Variants in MALRD1 observed in about 807,000 individuals in gnomAD.
MALRD1 encodes the protein MAM and LDL receptor class A domain containing 1, also known as MAM and LDL-receptor class A domain-containing protein 1.
Under a neutral mutation model 242.1 loss-of-function variants are expected in MALRD1, and 247 were observed. That is an observed-to-expected ratio of 1.02 (90% CI 0.92 to 1.13). The LOEUF (loss-of-function observed/expected upper bound fraction) is 1.13, where lower values mean the gene tolerates loss of function less well. Ranked by LOEUF, MALRD1 falls within the 50% of genes most tolerant of loss-of-function variation. MALRD1 has a pLI of 0.00. For missense variants in MALRD1, 2,989 were observed against 2,533.1 expected, an observed-to-expected ratio of 1.18 and a Z score of -3.86; for synonymous variants, 995 against 866.6, an observed-to-expected ratio of 1.15 and a Z score of -2.60.
intron 38 of MALRD1, among the ~76,000 whole-genome samples, chr10:19,726,934 G>T (rs1835052339): frequency 6.6e-6 from 1 of 152,298 alleles, no homozygotes; most frequent in East Asian, 1.9e-4. Flanking sequence ...ACCTGGGATT[G>T]GTTGGAGGGG....
intron 14 of MALRD1, among the ~76,000 whole-genome samples, chr10:19,196,162 A>C (rs1344519927): frequency 2.0e-5 from 3 of 152,114 alleles, no homozygotes; most frequent in African/African-American, 7.2e-5. Context: ...TCTGTCTACC[A>C]GTCTTTTCTA....
At chr10:19,150,700 A>G (rs1833918026) in intron 11 of MALRD1, among the ~76,000 whole-genome samples, 1 of 152,206 alleles carries the variant, frequency 6.6e-6, no homozygotes, top group Non-Finnish European at 1.5e-5. Flanking sequence ...TATATTTGAC[A>G]GTCCATGCTA....
intron 38 of MALRD1, among the ~76,000 whole-genome samples, chr10:19,708,340 C>CTTTTTTTTTTTTTTTTTT (rs545136011): frequency 1.3e-5 from 1 of 76,090 alleles, no homozygotes; most frequent in Non-Finnish European, 2.9e-5. Context: ...TTTTCTTTTT[C>CTTTTTTTTTTTTTTTTTT]TTTTTTTTTT....
intron 38 of MALRD1, among the ~76,000 whole-genome samples, chr10:19,694,056 AC>A (rs1182109813): frequency 6.6e-6 from 1 of 152,144 alleles, no homozygotes; most frequent in Non-Finnish European, 1.5e-5. Flanking sequence ...CCTTCCTTAC[AC>A]CTTATACAAA....
intron 27 of MALRD1, among the ~76,000 whole-genome samples, chr10:19,388,285 A>G (rs1175112850): frequency 2.0e-5 from 3 of 152,226 alleles, no homozygotes; most frequent in African/African-American, 4.8e-5. Context: ...GGTCACATTC[A>G]TAAGAACTGG....
At chr10:19,696,152 T>G (rs905539771) in intron 38 of MALRD1, among the ~76,000 whole-genome samples, 4 of 152,060 alleles carry the variant, frequency 2.6e-5, no homozygotes, top group African/African-American at 9.7e-5. Flanking sequence ...ATGAAGGAAC[T>G]CTGCAGGCTG....
At chr10:19,320,229 C>A (rs977640467) in intron 21 of MALRD1, among the ~76,000 whole-genome samples, 9 of 151,780 alleles carry the variant, frequency 5.9e-5, no homozygotes, top group Non-Finnish European at 8.8e-5. Context: ...CTTACCCCTA[C>A]CCCGCGACAG....
chr10:19,140,083 A>G (rs1038241840), intron 10 of MALRD1, among the ~76,000 whole-genome samples: 2 of 152,230 alleles, frequency 1.3e-5, no homozygotes, highest in African/African-American at 2.4e-5. Flanking sequence ...TATTAACACA[A>G]TATTTATAAT....
At chr10:19,587,401 C>G (rs1440007878) in intron 33 of MALRD1, among the ~76,000 whole-genome samples, 1 of 152,190 alleles carries the variant, frequency 6.6e-6, no homozygotes, top group African/African-American at 2.4e-5. Flanking sequence ...AATTTCTGCA[C>G]TTTAAAACTG....
chr10:19,579,499 T>C (rs1030539328), intron 33 of MALRD1, among the ~76,000 whole-genome samples: 1 of 152,216 alleles, frequency 6.6e-6, no homozygotes, highest in Non-Finnish European at 1.5e-5. Flanking sequence ...GATCTGATTA[T>C]GTTTTGGTAC....
At chr10:19,088,319 C>T (rs1004252367) in intron 4 of MALRD1, 134 bp downstream of exon 4, 45 of 780,028 alleles carry the variant, frequency 5.8e-5, no homozygotes, top group Admixed American at 1.3e-4. Flanking sequence ...CTTTCAAATG[C>T]TGAAAGTGGA....
intron 38 of MALRD1, among the ~76,000 whole-genome samples, chr10:19,702,060 T>A (rs1431046207): frequency 6.6e-6 from 1 of 152,134 alleles, no homozygotes; most frequent in Non-Finnish European, 1.5e-5. Flanking sequence ...CATCTAGTTT[T>A]AAGGAGCTCA....
At chr10:19,638,101 C>CA (rs56865342) in intron 36 of MALRD1, among the ~76,000 whole-genome samples, 13,223 of 41,694 alleles carry the variant, frequency 0.32, 3,373 homozygotes, top group South Asian at 0.48. Context: ...AACTCACTCT[C>CA]AAAAAAAAAA....
intron 21 of MALRD1, among the ~76,000 whole-genome samples, chr10:19,298,585 C>G (rs754878519): frequency 6.6e-6 from 1 of 151,920 alleles, no homozygotes; most frequent in African/African-American, 2.4e-5. Flanking sequence ...GGTAACGTCA[C>G]GACTGAACTG....
At chr10:19,346,786 G>GACCACAGATGCCTGCC (rs1844149957) in intron 24 of MALRD1, among the ~76,000 whole-genome samples, 1 of 152,066 alleles carries the variant, frequency 6.6e-6, no homozygotes, top group Non-Finnish European at 1.5e-5. Context: ...AAGTAGCTGG[G>GACCACAGATGCCTGCC]ACCACAGATG....
intron 21 of MALRD1, among the ~76,000 whole-genome samples, chr10:19,298,601 G>T (rs1320836316): frequency 6.6e-6 from 1 of 152,028 alleles, no homozygotes; most frequent in African/African-American, 2.4e-5. Flanking sequence ...AACTGTAAGA[G>T]AAGAGAATGA....
chr10:19,711,854 C>T (rs150857558), intron 38 of MALRD1, among the ~76,000 whole-genome samples: 13 of 152,220 alleles, frequency 8.5e-5, no homozygotes, highest in African/African-American at 3.1e-4. Flanking sequence ...AAATCCATCT[C>T]CCTGACCAAT....
intron 29 of MALRD1, among the ~76,000 whole-genome samples, chr10:19,461,876 T>C (rs1403263135): frequency 3.3e-5 from 5 of 152,136 alleles, no homozygotes; most frequent in Admixed American, 3.3e-4. Flanking sequence ...CTGTGGAACG[T>C]CCATCTCTAC....
chr10:19,640,054 C>A (rs1376242902), intron 36 of MALRD1, among the ~76,000 whole-genome samples: 4 of 152,082 alleles, frequency 2.6e-5, no homozygotes, highest in African/African-American at 9.7e-5. Flanking sequence ...GTGAGGCCCA[C>A]CATGGGGGAA....
Sources: allele counts gnomAD v4.1 joint callset (sites outside exome capture counted in the v4.1 genomes callset), GRCh38; gene constraint gnomAD v4.1.1; transcripts MANE v1.5; gene names NCBI Gene and HGNC (gene_info 2026-07-23, HGNC 2026-07-21).